PDE4D: variants seen among roughly 807,000 people sequenced by gnomAD.
PDE4D encodes the protein phosphodiesterase 4D.
A neutral mutation model predicts 87.4 loss-of-function variants in PDE4D; 24 were observed. The ratio of observed to expected loss-of-function variants is 0.27; its 90% CI spans 0.20 to 0.39. The LOEUF is 0.39. Among genes scored for constraint, PDE4D ranks in the 10% least tolerant of loss-of-function variants. The pLI is 1.00. For synonymous variants in PDE4D, 384 were observed against 383.2 expected (o/e 1.00, Z -0.02); for missense variants, 714 against 1,041.0 (o/e 0.69, Z 4.32).
At chr5:59,894,193 C>G (rs569890050), upstream of PDE4D, among the ~76,000 whole-genome samples, 1 of 152,280 alleles carries the variant, frequency 6.6e-6, no homozygotes, top group East Asian at 1.9e-4. Context: ...GCCCGCGCCT[C>G]CCTCCTCCAC....
intron 1 of PDE4D, among the ~76,000 whole-genome samples, chr5:60,391,923 T>C (rs993890124): frequency 6.6e-6 from 1 of 152,174 alleles, no homozygotes; most frequent in Non-Finnish European, 1.5e-5. Flanking sequence ...TGTTGAGGTA[T>C]AGTACAAACT....
intron 1 of PDE4D, among the ~76,000 whole-genome samples, chr5:59,684,132 C>T (rs1205296217): frequency 6.6e-6 from 1 of 152,124 alleles, no homozygotes; most frequent in South Asian, 2.1e-4. Flanking sequence ...AGCTAGTCAC[C>T]CTCCAAGACA....
intron 1 of PDE4D, among the ~76,000 whole-genome samples, chr5:59,639,548 G>C (rs960933081): frequency 6.6e-6 from 1 of 152,164 alleles, no homozygotes; most frequent in Non-Finnish European, 1.5e-5. Context: ...AAGCTAAGGA[G>C]AGACTCAAGG....
chr5:59,040,973 ATTG>A (rs1325489848), intron 5 of PDE4D, among the ~76,000 whole-genome samples: 1 of 152,150 alleles, frequency 6.6e-6, no homozygotes, highest in African/African-American at 2.4e-5. Flanking sequence ...CACGTGGCTT[ATTG>A]TTATCAAGAA....
chr5:60,076,101 T>C (rs1383419113), intron 2 of PDE4D, among the ~76,000 whole-genome samples: 2 of 152,180 alleles, frequency 1.3e-5, no homozygotes, highest in Non-Finnish European at 2.9e-5. Context: ...TTTTGAGTTC[T>C]TAGAGTTCCC....
intron 5 of PDE4D, among the ~76,000 whole-genome samples, chr5:59,095,170 A>G (rs73761118): frequency 0.13 from 19,870 of 151,794 alleles, 1,355 homozygotes; most frequent in Admixed American, 0.17. Context: ...ACTAAGAATG[A>G]GTGACTTTTT....
chr5:58,978,371 G>T (rs975977819), intron 11 of PDE4D, among the ~76,000 whole-genome samples: 1 of 152,082 alleles, frequency 6.6e-6, no homozygotes, highest in African/African-American at 2.4e-5. Flanking sequence ...CCATTATATC[G>T]TGCCACTGCA....
At chr5:60,181,254 A>G (rs1403477788) in intron 2 of PDE4D, among the ~76,000 whole-genome samples, 2 of 152,184 alleles carry the variant, frequency 1.3e-5, no homozygotes, top group Admixed American at 1.3e-4. Context: ...ATGGAAAAAA[A>G]TATATATTTT....
rs1263264409 is a variant in PDE4D at position 60,178,363 on chromosome 5, A to C, written c.42+7194T>G. ...CCACTCAAGGATATGGTCTTCTTTG[A>C]CTACTTGCCAATTATTTCATTTATG... On this transcript the variant is annotated intron_variant, in intron 2 of 16. Coordinates refer to the PDE4D transcript ENST00000502484. 2.6e-5 allele frequency among the ~76,000 whole-genome samples: 4 copies of C among 152,158 alleles called. No homozygotes were observed. The East Asian group carries it at 7.7e-4, about 29-fold the overall frequency.
chr5:59,401,484 C>CTATCTATT (rs1286010888), intron 1 of PDE4D, among the ~76,000 whole-genome samples: 1 of 149,640 alleles, frequency 6.7e-6, no homozygotes, highest in African/African-American at 2.5e-5. Context: ...ATCTATCTAT[C>CTATCTATT]TATTTTGATC....
At chr5:59,866,947 GACTA>G (rs1256973738) in intron 1 of PDE4D, among the ~76,000 whole-genome samples, 2 of 152,152 alleles carry the variant, frequency 1.3e-5, no homozygotes, top group Admixed American at 1.3e-4. Flanking sequence ...CCACCCTAGA[GACTA>G]ACTAAGCAAT....
chr5:60,044,968 T>G (rs531886754), intron 2 of PDE4D, among the ~76,000 whole-genome samples: 6 of 152,340 alleles, frequency 3.9e-5, no homozygotes, highest in East Asian at 1.9e-4. Context: ...TGAACTAGTT[T>G]ACAGTCCCAC....
At chr5:59,006,402 C>T (rs1751625155) in intron 6 of PDE4D, among the ~76,000 whole-genome samples, 1 of 152,010 alleles carries the variant, frequency 6.6e-6, no homozygotes. Flanking sequence ...ACCGTCTCTA[C>T]AAAAAATTTA....
At chr5:60,278,878 A>G (rs1192060391) in intron 1 of PDE4D, among the ~76,000 whole-genome samples, 1 of 152,190 alleles carries the variant, frequency 6.6e-6, no homozygotes, top group Admixed American at 6.5e-5. Context: ...AAATAACTCT[A>G]ACACCTCTGT....
At chr5:59,488,697 G>A (rs1175137510) in intron 1 of PDE4D, among the ~76,000 whole-genome samples, 4 of 150,522 alleles carry the variant, frequency 2.7e-5, no homozygotes, top group Non-Finnish European at 4.4e-5. Flanking sequence ...TTTGAGGGGG[G>A]GATCTTCAGA....
chr5:59,014,584 A>T (rs1753578385), intron 6 of PDE4D, among the ~76,000 whole-genome samples: 1 of 152,190 alleles, frequency 6.6e-6, no homozygotes, highest in African/African-American at 2.4e-5. Flanking sequence ...TCCAACTTAC[A>T]AGGGATGTGA....
At chr5:59,572,775 C>G (rs998032331) in intron 1 of PDE4D, among the ~76,000 whole-genome samples, 1 of 152,158 alleles carries the variant, frequency 6.6e-6, no homozygotes, top group Admixed American at 6.5e-5. Context: ...CCACCACGCC[C>G]GGCCGCTTTC....
At chr5:59,152,470 T>A (rs1258193130) in intron 5 of PDE4D, among the ~76,000 whole-genome samples, 1 of 152,208 alleles carries the variant, frequency 6.6e-6, no homozygotes, top group Non-Finnish European at 1.5e-5. Context: ...TGAACATACC[T>A]TTTTTAAAGG....
intron 1 of PDE4D, among the ~76,000 whole-genome samples, chr5:59,432,267 T>G (rs530206258): frequency 7.3e-6 from 1 of 136,150 alleles, no homozygotes; most frequent in Non-Finnish European, 1.5e-5. Flanking sequence ...AATCCTTTAT[T>G]AATATTAAGT....
Sources: allele counts gnomAD v4.1 joint callset (sites outside exome capture counted in the v4.1 genomes callset), GRCh38; gene constraint gnomAD v4.1.1; transcripts MANE v1.5; gene names NCBI Gene and HGNC (gene_info 2026-07-23, HGNC 2026-07-21).